Variants in STX16 observed in about 807,000 individuals in gnomAD.
STX16 encodes the protein syntaxin-16.
A neutral mutation model predicts 42.7 loss-of-function variants in STX16; 28 were observed. The observed-to-expected ratio is 0.66, with a 90% CI of 0.49 to 0.90. STX16 has a LOEUF of 0.90. Among genes scored for constraint, STX16 ranks in the 40% least tolerant of loss-of-function variants. The pLI, the probability that STX16 is intolerant of heterozygous loss-of-function variation, is 0.00. For missense variants in STX16, 361 were observed against 420.9 expected (o/e 0.86, Z 1.24); for synonymous variants, 156 against 155.2 (o/e 1.00, Z -0.04).
intron 7 of STX16, 45 bp from the exon 8 acceptor site, chr20:58,673,586 C>A: frequency 7.6e-7 from 1 of 1,321,890 alleles, no homozygotes. Context: ...TTCAGTTTTC[C>A]CAGTTGCTAT....
intron 7 of STX16, among the ~76,000 whole-genome samples, chr20:58,672,316 G>C (rs1366614076): frequency 6.6e-6 from 1 of 151,978 alleles, no homozygotes; most frequent in Non-Finnish European, 1.5e-5. Context: ...TGGGCAACAA[G>C]AGTGAAACTC....
chr20:58,669,575 A>C, intron 5 of STX16, 122 bp downstream of exon 5: 12 of 1,217,702 alleles, frequency 9.9e-6, no homozygotes, highest in Non-Finnish European at 1.1e-5. Context: ...GAACATGCTC[A>C]TACCTTGTAC....
intron 1 of STX16, among the ~76,000 whole-genome samples, chr20:58,653,821 T>G (rs1276264159): frequency 1.3e-5 from 2 of 151,998 alleles, no homozygotes; most frequent in African/African-American, 4.8e-5. Context: ...ATCATTAAGG[T>G]TCAAAATACC....
Position 58,669,518 on chromosome 20 carries a change from TG to T in STX16, c.556+66del, listed in dbSNP as rs2083921199. The T allele has an allele frequency of 1.5e-5, 23 of 1,532,388 alleles. No individual in the cohort carries two copies. In the South Asian group the frequency reaches 2.6e-4, roughly 18 times the overall value. The allele number at this position is 1,532,388 out of a possible 1,614,324, so 94.9% of individuals were successfully genotyped here. ...GAAAAGCACTTTATGTTTTCTTTTT[TG>T]CCACTATTTTTTCATTTAGTCCAGT... is the stretch of plus-strand genomic sequence containing the variant. On this transcript the variant is annotated intron_variant, in intron 5 of 8. Coordinates refer to ENST00000371141, the MANE Select transcript of STX16 (RefSeq NM_001001433.3).
At position 58,670,599 on chromosome 20, in the gene STX16, A is replaced by T. The variant is rs185111037; in HGVS notation, c.644A>T (p.His215Leu). The T allele has an allele frequency of 1.4e-4, 218 of 1,613,824 alleles. No homozygotes were observed. Among genetic ancestry groups the T allele is most frequent in the Admixed American group, 3.8e-4 (23 of 60,016 alleles). ...GATGGAGACGATAACACTCTTTACC[A>T]TCGGGTACGTGAACGGGCTGCAAAG... ...MDDGDDNTLYHRGFTEDQLVL... is the reference protein window; with the variant it reads ...MDDGDDNTLYLRGFTEDQLVL... Residue 215 changes from histidine to leucine, a missense_variant, in exon 6 of 9, where the codon CAT becomes CTT. His to Leu is a moderately conservative substitution (Grantham distance 99). Transcript: ENST00000371141.
chr20:58,665,417 G>A (rs2083798928), intron 2 of STX16, among the ~76,000 whole-genome samples: 1 of 152,142 alleles, frequency 6.6e-6, no homozygotes, highest in African/African-American at 2.4e-5. Context: ...GGCCTGTGGA[G>A]TGATTGGCAC....
chr20:58,675,921 C>T (rs780873397), intron 8 of STX16, among the ~76,000 whole-genome samples: 2 of 152,210 alleles, frequency 1.3e-5, no homozygotes, highest in Non-Finnish European at 2.9e-5. Context: ...GCTTTCACTT[C>T]CCTGTCAGGC....
rs1210233357 is a variant in STX16 at position 58,669,422 on chromosome 20, C to T, written c.525C>T (p.Ser175=). 2 of 1,611,984 alleles carry T rather than the reference C, an allele frequency of 1.2e-6. No homozygotes were observed. Among genetic ancestry groups the T allele is most frequent in the South Asian group, 1.1e-5 (1 of 90,842 alleles). ...LAQALQELST[S]FRHAQSGYLK... ...AGGCCCTGCAGGAACTCTCCACCAG[C>T]TTCCGGCACGCACAGTCAGGCTACC... The change falls in exon 5 of 9, where the codon AGC becomes AGT. Residue 175 remains serine, a synonymous_variant. Coordinates refer to ENST00000371141, the MANE Select transcript of STX16 (RefSeq NM_001001433.3).
intron 2 of STX16, among the ~76,000 whole-genome samples, chr20:58,664,398 A>C (rs979873394): frequency 6.6e-6 from 1 of 152,226 alleles, no homozygotes. Flanking sequence ...ATAGCTATAG[A>C]CTGTATCATA....
chr20:58,652,748 G>T (rs1220801560), intron 1 of STX16, among the ~76,000 whole-genome samples: 1 of 152,058 alleles, frequency 6.6e-6, no homozygotes, highest in African/African-American at 2.4e-5. Flanking sequence ...GAGACTCAAG[G>T]TGCTAGCCTC....
chr20:58,662,171 T>G (rs2083715690), intron 2 of STX16, among the ~76,000 whole-genome samples: 1 of 152,224 alleles, frequency 6.6e-6, no homozygotes. Context: ...ACTCAAGAAT[T>G]ATTTTAAAAG....
chr20:58,669,481 GA>G, intron 5 of STX16, 28 bp downstream of exon 5: 1 of 1,579,294 alleles, frequency 6.3e-7, no homozygotes, highest in African/African-American at 1.4e-5. Flanking sequence ...CTAGTGAAGG[GA>G]TTTTGAGTAA....
rs760710948 is a variant in STX16 at position 58,667,501 on chromosome 20, C to T, written c.156C>T (p.Asp52=). 2 of 1,614,068 alleles carry T rather than the reference C, an allele frequency of 1.2e-6. No homozygotes were observed. The highest frequency in any genetic ancestry group is 1.7e-6 in the Non-Finnish European group (2 of 1,180,012). The change falls in exon 3 of 9, where the codon GAC becomes GAT. Residue 52 remains aspartate, a synonymous_variant. Coordinates refer to ENST00000371141, the MANE Select transcript of STX16 (RefSeq NM_001001433.3). ...TTACTTTCCTGTAGCTTGCTGATGA[C>T]CGTATGGCACTGGTGTCAGGCATCA... is the stretch of plus-strand genomic sequence containing the variant. ...IAAELDELAD[D]RMALVSGISL... is the part of the protein sequence containing the mutation.
At position 58,670,503 on chromosome 20, in the gene STX16, C is replaced by T. The variant is rs1278269230; in HGVS notation, c.557-9C>T. The stretch of plus-strand genomic sequence containing the variant: ...ATATTCAAGTAAAATGAATTCCTAT[C>T]TGTGATAGGCATGAAGAATCGAGAG... On this transcript the variant is annotated splice_polypyrimidine_tract_variant and intron_variant, in intron 5 of 8. Transcript: ENST00000371141. 1 of 1,610,288 alleles carries T rather than the reference C, an allele frequency of 6.2e-7. No individual in the cohort carries two copies. Among genetic ancestry groups the T allele is most frequent in the Admixed American group, 1.7e-5 (1 of 60,008 alleles).
At chr20:58,658,067 C>T (rs2083618733) in intron 1 of STX16, among the ~76,000 whole-genome samples, 1 of 152,224 alleles carries the variant, frequency 6.6e-6, no homozygotes, top group Admixed American at 6.5e-5. Flanking sequence ...GATTTCACCT[C>T]TTATCAACTA....
At chr20:58,673,174 G>A (rs1164551685) in intron 7 of STX16, among the ~76,000 whole-genome samples, 1 of 152,180 alleles carries the variant, frequency 6.6e-6, no homozygotes, top group Non-Finnish European at 1.5e-5. Context: ...GTGGATCCAC[G>A]TTTATAGACG....
chr20:58,667,605 C>T lies in STX16; in HGVS notation c.252+8C>T. 1 of 1,606,916 alleles carries T rather than the reference C, an allele frequency of 6.2e-7. No individual in the cohort carries two copies. Among genetic ancestry groups the T allele is most frequent in the Non-Finnish European group, 8.5e-7 (1 of 1,173,688 alleles). On this transcript the variant is annotated splice_region_variant and intron_variant, in intron 3 of 8. Coordinates refer to ENST00000371141, the MANE Select transcript of STX16 (RefSeq NM_001001433.3). The stretch of plus-strand genomic sequence containing the variant: ...GTGGATGGAGTGGATGAAGTAAGTT[C>T]CATGTTAGTTTCATAGCATCTTGTT...
At chr20:58,653,736 C>G (rs1271800139) in intron 1 of STX16, among the ~76,000 whole-genome samples, 1 of 152,056 alleles carries the variant, frequency 6.6e-6, no homozygotes, top group Non-Finnish European at 1.5e-5. Flanking sequence ...GCCTCAAAAA[C>G]TACTGAAACT....
At chr20:58,674,888 T>C (rs758165720) in intron 8 of STX16, among the ~76,000 whole-genome samples, 3 of 152,228 alleles carry the variant, frequency 2.0e-5, no homozygotes, top group Non-Finnish European at 4.4e-5. Flanking sequence ...TTTTGTAATA[T>C]AACACAGATA....
Sources: gnomAD v4.1 joint callset for allele counts (sites outside exome capture counted in the v4.1 genomes callset) on GRCh38, gnomAD v4.1.1 for gene constraint, MANE v1.5 for transcripts, NCBI Gene and HGNC (gene_info 2026-07-23, HGNC 2026-07-21) for gene names.